LTBP4: variants seen among roughly 807,000 people sequenced by gnomAD.
LTBP4 encodes latent transforming growth factor beta binding protein 4.
LTBP4 carries 93 observed loss-of-function variants against 180.2 expected under a neutral mutation model. The ratio of observed to expected loss-of-function variants is 0.52; its 90% CI spans 0.44 to 0.61. LTBP4 has a LOEUF of 0.61. Among genes scored for constraint, LTBP4 ranks in the 20% least tolerant of loss-of-function variants. The pLI is 0.00. For synonymous variants in LTBP4, 947 were observed against 934.5 expected, an observed-to-expected ratio of 1.01 and a Z score of -0.24; for missense variants, 2,116 against 2,256.5, an observed-to-expected ratio of 0.94 and a Z score of 1.26.
chr19:40,612,936 C>G (rs2081517472), intron 15 of LTBP4, 129 bp from the exon 16 acceptor site: 2 of 904,894 alleles, frequency 2.2e-6, no homozygotes, highest in South Asian at 3.2e-5. Context: ...CCCACCTCTG[C>G]CATAGAGCCC....
chr19:40,599,451 A>G (rs537075159), upstream of LTBP4: 15 of 1,613,864 alleles, frequency 9.3e-6, no homozygotes, highest in African/African-American at 8.0e-5. Flanking sequence ...TGCCAGCCCA[A>G]AAAGTGTGCA....
Position 40,601,728 on chromosome 19 carries a change from C to A in LTBP4, c.250+91C>A, listed in dbSNP as rs902998751. The A allele has an allele frequency of 1.9e-4, 188 of 1,014,174 alleles. 1 individual carries two copies. The East Asian group carries it at 6.2e-3, about 34-fold the overall frequency. The allele number at this position is 1,014,174 out of a possible 1,614,324, so 62.8% of individuals were successfully genotyped here. ...GAGACAGTCCTCCAGGGAGAGGGAG[C>A]CCAGATTCCATATGCAATAGTGCAA... On this transcript the variant is annotated intron_variant, in intron 1 of 29. Coordinates refer to ENST00000396819, the MANE Select transcript of LTBP4 (RefSeq NM_001042545.2).
chr19:40,627,012 C>T lies in LTBP4; in HGVS notation c.4023C>T (p.Pro1341=), dbSNP rs375753964. ...FEALCNVLRP[P]AYSPPRPGGF... ...CCCTGTGCAATGTGCTACGCCCCCC[C>T]GCATATAGCCCCCCGCGACCAGGTG... Residue 1341 remains proline (P), a synonymous_variant, in exon 28 of 30, where the codon CCC becomes CCT. Transcript: ENST00000396819. 6.0e-5 allele frequency: 96 copies of T among 1,594,388 alleles called. No individual in the cohort carries two copies. Among genetic ancestry groups the T allele is most frequent in the Middle Eastern group, 1.7e-4 (1 of 5,986 alleles).
Position 40,610,642 on chromosome 19 carries a change from G to A in LTBP4, c.1795G>A (p.Gly599Arg), listed in dbSNP as rs748744327. The A allele has an allele frequency of 9.5e-5, 151 of 1,582,868 alleles. No individual in the cohort carries two copies. Among genetic ancestry groups the A allele is most frequent in the East Asian group, 1.4e-4 (6 of 44,426 alleles). ...CPAGYQAAPH[G>R]ASCQDVDECT... ...CGCCGGGTACCAGGCTGCACCGCAC[G>A]GAGCCAGCTGCCAGGGTGAGGGCCT... Residue 599 changes from glycine to arginine, a missense_variant, in exon 12 of 30, where the codon GGA becomes AGA. By Grantham distance (125) the Gly-to-Arg change is moderately radical. Transcript: ENST00000396819.
intron 21 of LTBP4, among the ~76,000 whole-genome samples, chr19:40,618,971 T>C (rs2081567831): frequency 1.3e-5 from 2 of 152,158 alleles, no homozygotes; most frequent in African/African-American, 4.8e-5. Context: ...ACATCTCCAG[T>C]GGGCCACCCG....
In LTBP4 at chr19:40,609,883, G is replaced by T. The variant is rs774684561; in HGVS notation, c.1684+12G>T. ...TGCGGAATGCCTGGGTGAGAAATTT[G>T]CCCCACCCGGCTCCAGGCCCACCCC... is the stretch of plus-strand genomic sequence containing the variant. On this transcript the variant is annotated intron_variant, in intron 11 of 29. Coordinates refer to ENST00000396819, the MANE Select transcript of LTBP4 (RefSeq NM_001042545.2). The surrounding 1 kb of genome is among the most constrained non-coding windows in gnomAD (Gnocchi z 4.9). The T allele has an allele frequency of 7.0e-5, 106 of 1,525,036 alleles. 1 individual carries two copies. Among genetic ancestry groups the T allele is most frequent in the Admixed American group, 1.9e-5 (1 of 51,468 alleles). The allele number at this position is 1,525,036 out of a possible 1,614,324, so 94.5% of individuals were successfully genotyped here. A position where few individuals can be genotyped will look rare whatever the true frequency, so the allele number is the denominator to read the frequency against.
intron 18 of LTBP4, 64 bp downstream of exon 18, chr19:40,614,102 C>T: frequency 6.3e-7 from 1 of 1,595,336 alleles, no homozygotes; most frequent in Non-Finnish European, 8.5e-7. Context: ...CGATTGGCCT[C>T]CCACCTCTGT....
Position 40,613,732 on chromosome 19 carries a change from C to G in LTBP4, c.2558-184C>G, listed in dbSNP as rs1181471225. 4 of 1,216,606 alleles carry G rather than the reference C, an allele frequency of 3.3e-6. No homozygotes were observed. The highest frequency in any genetic ancestry group is 4.6e-6 in the Non-Finnish European group (4 of 861,274). The allele number at this position is 1,216,606 out of a possible 1,614,324, so 75.4% of individuals were successfully genotyped here. A position where few individuals can be genotyped will look rare whatever the true frequency, so the allele number is the denominator to read the frequency against. ...AAGGGCCGAGTCTGGGTATTTGGAC[C>G]GTGATTGTAAAGAAGCTGTTCTAAA... On this transcript the variant is annotated intron_variant, in intron 17 of 29. Coordinates refer to ENST00000396819, the MANE Select transcript of LTBP4 (RefSeq NM_001042545.2). This position sits in a 1 kb window ranked among gnomAD's most constrained non-coding sequence, Gnocchi z 5.0.
chr19:40,623,530 G>A, intron 24 of LTBP4, 74 bp from the exon 25 acceptor site: 1 of 1,528,162 alleles, frequency 6.5e-7, no homozygotes, highest in Non-Finnish European at 8.8e-7. Context: ...CTCTGTCTCT[G>A]TCTTCCCACG....
At chr19:40,612,324 C>A in intron 15 of LTBP4, 132 bp downstream of exon 15, 1 of 1,213,304 alleles carries the variant, frequency 8.2e-7, no homozygotes, top group Non-Finnish European at 1.1e-6. Flanking sequence ...GCCTGTGACT[C>A]CTGACCCTGA....
upstream of LTBP4, among the ~76,000 whole-genome samples, chr19:40,600,602 C>T (rs886139695): frequency 6.6e-5 from 10 of 152,210 alleles, no homozygotes; most frequent in African/African-American, 2.4e-4. This position sits in a 1 kb window ranked among gnomAD's most constrained non-coding sequence, Gnocchi z 4.4. Flanking sequence ...CCTCCTCCCG[C>T]TCCAGCTCTT....
chr19:40,626,847 C>T (rs1411264593), intron 27 of LTBP4, 128 bp from the exon 28 acceptor site: 2 of 1,216,546 alleles, frequency 1.6e-6, no homozygotes, highest in Non-Finnish European at 2.1e-6. Flanking sequence ...AGCGCTGGCT[C>T]CAGAAACCCC....
rs2146044184 is a variant in LTBP4, at chr19:40,622,713, A to G, written c.3484+46A>G. Reference sequence around the variant, plus strand: ...ACACAGGGCTGAGGGCTTGGGTGGAAATACTGGGTGGGGTGTGGGCCTGGG... The same window carrying G: ...ACACAGGGCTGAGGGCTTGGGTGGAGATACTGGGTGGGGTGTGGGCCTGGG... On this transcript the variant is annotated intron_variant, in intron 23 of 29. Coordinates refer to ENST00000396819, the MANE Select transcript of LTBP4 (RefSeq NM_001042545.2). This position sits in a 1 kb window ranked among gnomAD's most constrained non-coding sequence, Gnocchi z 5.1. The G allele has an allele frequency of 6.4e-7, 1 of 1,552,558 alleles. No homozygotes were observed. Among genetic ancestry groups the G allele is most frequent in the Non-Finnish European group, 8.7e-7 (1 of 1,149,642 alleles).
chr19:40,626,911 G>A (rs911423634), intron 27 of LTBP4, 64 bp from the exon 28 acceptor site: 2 of 1,482,988 alleles, frequency 1.3e-6, no homozygotes, highest in Middle Eastern at 1.8e-4. Flanking sequence ...CCCAAGGGGG[G>A]TATGTGAGTG....
At position 40,609,503 on chromosome 19, in the gene LTBP4, G is replaced by A. The variant is rs1043963074; in HGVS notation, c.1427-27G>A. 34 of 1,606,956 alleles carry A rather than the reference G, an allele frequency of 2.1e-5. No individual in the cohort carries two copies. Among genetic ancestry groups the A allele is most frequent in the Non-Finnish European group, 2.8e-5 (33 of 1,175,100 alleles). Reference sequence around the variant, plus strand: ...AAGGAACGGAGGATTCAGAGATGGGGGAACCCTGGCTGACTGGACCCCCCA... The same window carrying A: ...AAGGAACGGAGGATTCAGAGATGGGAGAACCCTGGCTGACTGGACCCCCCA... On this transcript the variant is annotated intron_variant, in intron 9 of 29. Coordinates refer to ENST00000396819, the MANE Select transcript of LTBP4 (RefSeq NM_001042545.2). The surrounding 1 kb of genome is among the most constrained non-coding windows in gnomAD (Gnocchi z 4.9).
chr19:40,593,612 A>G (rs1282998914), intron 1 of LTBP4, among the ~76,000 whole-genome samples: 1 of 150,884 alleles, frequency 6.6e-6, no homozygotes, highest in African/African-American at 2.4e-5. Context: ...ATGTTAGGAA[A>G]TCTAGTATGT....
chr19:40,596,759 C>T (rs777296354), upstream of LTBP4, among the ~76,000 whole-genome samples: 1 of 152,048 alleles, frequency 6.6e-6, no homozygotes, highest in Non-Finnish European at 1.5e-5. Context: ...AAGGGGTACC[C>T]GTGGGGGGCT....
chr19:40,610,016 C>T, intron 11 of LTBP4, 145 bp downstream of exon 11: 1 of 1,132,682 alleles, frequency 8.8e-7, no homozygotes, highest in Non-Finnish European at 1.2e-6. Flanking sequence ...CCTGCCCTTC[C>T]CTGACCCGCC....
intron 28 of LTBP4, 110 bp from the exon 29 acceptor site, chr19:40,627,595 G>A: frequency 7.0e-7 from 1 of 1,432,946 alleles, no homozygotes; most frequent in South Asian, 1.3e-5. Context: ...CCCTGGAGCG[G>A]GATGGACAGT....
Sources: gnomAD v4.1 joint callset for allele counts (sites outside exome capture counted in the v4.1 genomes callset) on GRCh38, gnomAD v4.1.1 for gene constraint, Gnocchi (gnomAD v3.1) non-coding constraint, MANE v1.5 for transcripts, NCBI Gene and HGNC (gene_info 2026-07-23, HGNC 2026-07-21) for gene names.